Variants in DBN1 observed in about 807,000 individuals in gnomAD.
The protein encoded by DBN1 is drebrin 1, also known as drebrin.
DBN1 carries 21 observed loss-of-function variants against 83.5 expected under a neutral mutation model. The observed-to-expected ratio is 0.25, with a 90% CI of 0.18 to 0.36. The LOEUF (loss-of-function observed/expected upper bound fraction) is 0.36, where lower values mean the gene tolerates loss of function less well. DBN1 is among the 10% of genes least tolerant of loss of function. The pLI, the probability that DBN1 is intolerant of heterozygous loss-of-function variation, is 1.00. For missense variants in DBN1, 874 were observed against 935.7 expected (o/e 0.93, Z 0.86); for synonymous variants, 381 against 384.9 (o/e 0.99, Z 0.12).
Position 177,458,476 on chromosome 5 carries a change from ATGGTGTCAGCTGCATCGTGGATCTCCG to A in DBN1, c.1469_1495del (p.Thr490_Thr498del). 6.2e-7 allele frequency: 1 copy of A among 1,613,656 alleles called. No homozygotes were observed. The highest frequency in any genetic ancestry group is 8.5e-7 in the Non-Finnish European group (1 of 1,179,588). ...GTCAGCAGTGGCAGTGTCAGTTTCA[ATGGTGTCAGCTGCATCGTGGATCTCCG>A]TGGCGTCAGCTGTGGCAGGCTCCAC... On this transcript the variant is annotated inframe_deletion, in exon 13 of 15. Coordinates refer to ENST00000393565, the MANE Select transcript of DBN1 (RefSeq NM_001363541.2).
chr5:177,463,802 A>G (rs549467507), intron 8 of DBN1, among the ~76,000 whole-genome samples: 11 of 152,322 alleles, frequency 7.2e-5, no homozygotes, highest in African/African-American at 2.6e-4. Flanking sequence ...TATTCTGTCT[A>G]CCTGCATGTG....
chr5:177,466,821 G>A lies in DBN1; in HGVS notation c.722C>T (p.Thr241Ile), dbSNP rs755006627. The change falls in exon 8 of 15, where the codon ACT becomes ATT. Residue 241 changes from threonine to isoleucine, a missense_variant. Transcript: ENST00000393565. This position sits in a 1 kb window ranked among gnomAD's most constrained non-coding sequence, Gnocchi z 4.8. ...CCTCTTGGCCTCTTCCGCTTCTAAAGTCTGCTGTTTCCTCCTGGAACGATA... is the reference window on the plus strand; with the variant it reads ...CCTCTTGGCCTCTTCCGCTTCTAAAATCTGCTGTTTCCTCCTGGAACGATA... The part of the protein sequence containing the change: ...QIEEHRRKQQ[T>I]LEAEEAKRRL... 2 of 1,614,004 alleles carry A rather than the reference G, an allele frequency of 1.2e-6. No individual in the cohort carries two copies. Among genetic ancestry groups the A allele is most frequent in the African/African-American group, 1.3e-5 (1 of 74,916 alleles).
chr5:177,473,471 G>A lies in DBN1; in HGVS notation c.51C>T (p.Tyr17=), dbSNP rs750543764. ...SGHRLELLAA[Y]EEVIREESAA... ...CGCTCTCCTCTCGGATCACCTCCTC[G>A]TAAGCCGCCAGCAGCTCCAGGCGGT... Residue 17 remains tyrosine, a synonymous_variant, in exon 1 of 15, where the codon TAC becomes TAT. Coordinates refer to ENST00000393565, the MANE Select transcript of DBN1 (RefSeq NM_001363541.2). The A allele has an allele frequency of 7.0e-6, 10 of 1,433,988 alleles. No individual in the cohort carries two copies. The highest frequency in any genetic ancestry group is 1.5e-5 in the African/African-American group (1 of 67,574). The allele number at this position is 1,433,988 out of a possible 1,614,324, so 88.8% of individuals were successfully genotyped here.
Position 177,467,342 on chromosome 5 carries a change from C to T in DBN1, c.478-10G>A, listed in dbSNP as rs1407903854. On this transcript the variant is annotated splice_polypyrimidine_tract_variant and intron_variant, in intron 5 of 14. Coordinates refer to ENST00000393565, the MANE Select transcript of DBN1 (RefSeq NM_001363541.2). The surrounding 1 kb of genome is among the most constrained non-coding windows in gnomAD (Gnocchi z 9.1). ...TCTGGTAGGTGGTGCCCTGCAGTGT[C>T]GAAGGACCCAGCATAAGCAGGCTGA... 6.2e-6 allele frequency: 10 copies of T among 1,614,134 alleles called. No individual in the cohort carries two copies. Among genetic ancestry groups the T allele is most frequent in the African/African-American group, 2.7e-5 (2 of 75,042 alleles).
chr5:177,458,955 C>T lies in DBN1; in HGVS notation c.1264+143G>A, dbSNP rs1444442651. On this transcript the variant is annotated intron_variant, in intron 12 of 14. Coordinates refer to ENST00000393565, the MANE Select transcript of DBN1 (RefSeq NM_001363541.2). ...CAGGTCTGACTGTACACCAGGGCTC[C>T]TCCCCACACAGCCGCCTCCAGGGCA... 6 of 1,406,692 alleles carry T rather than the reference C, an allele frequency of 4.3e-6. No individual in the cohort carries two copies. The African/African-American group carries it at 8.7e-5, about 20-fold the overall frequency. The allele number at this position is 1,406,692 out of a possible 1,614,324, so 87.1% of individuals were successfully genotyped here.
rs145170932 is a variant in DBN1 at position 177,458,640 on chromosome 5, G to A, written c.1332C>T (p.Ala444=). The A allele has an allele frequency of 4.2e-5, 67 of 1,597,814 alleles. No individual in the cohort carries two copies. Among genetic ancestry groups the A allele is most frequent in the Admixed American group, 1.9e-4 (11 of 58,184 alleles). Residue 444 remains alanine, a synonymous_variant, in exon 13 of 15, where the codon GCC becomes GCT. Transcript: ENST00000393565. Reference sequence around the variant, plus strand: ...CCTGAGGGGGCTCCTCCATGGGGCCGGCCCAGGCCTGAGGGGCTGCTGCTC... The same window carrying A: ...CCTGAGGGGGCTCCTCCATGGGGCCAGCCCAGGCCTGAGGGGCTGCTGCTC... ...ETRAAAPQAW[A]GPMEEPPQAQ...
rs201548561 is a variant in DBN1 at position 177,460,455 on chromosome 5, G to T, written c.932C>A (p.Pro311His). 3.7e-5 allele frequency: 59 copies of T among 1,614,052 alleles called. No homozygotes were observed. The highest frequency in any genetic ancestry group is 3.5e-4 in the Admixed American group (21 of 60,026). Residue 311 changes from proline (P) to histidine (H), a missense_variant, in exon 10 of 15, where the codon CCC becomes CAC. Pro to His is a moderately conservative substitution (Grantham distance 77, BLOSUM62 -2). Transcript: ENST00000393565. ...ASASAGSCDVPSPFNHRPGRP... is the reference protein window; with the variant it reads ...ASASAGSCDVHSPFNHRPGRP... Reference sequence around the variant, plus strand: ...ACCTGGTCGATGGTTGAAGGGCGAGGGTACATCACAGCTGCCCGCAGAGGC... The same window carrying T: ...ACCTGGTCGATGGTTGAAGGGCGAGTGTACATCACAGCTGCCCGCAGAGGC...
chr5:177,468,275 A>G, intron 2 of DBN1, 55 bp from the exon 3 acceptor site: 1 of 1,515,844 alleles, frequency 6.6e-7, no homozygotes, highest in East Asian at 2.3e-5. Flanking sequence ...CTTCCCAAAA[A>G]GAGCCTGGAA....
intron 12 of DBN1, among the ~76,000 whole-genome samples, 164 bp downstream of exon 12, chr5:177,458,934 T>A (rs1343577861): frequency 6.6e-6 from 1 of 152,040 alleles, no homozygotes; most frequent in Non-Finnish European, 1.5e-5. Flanking sequence ...AGAGGGCAGG[T>A]CTGACTGTAC....
chr5:177,459,299 G>T, intron 11 of DBN1, 31 bp from the exon 12 acceptor site: 2 of 1,593,602 alleles, frequency 1.3e-6, no homozygotes, highest in Non-Finnish European at 1.7e-6. Flanking sequence ...GGGTCAGTGA[G>T]GGCGGGGGAG....
In DBN1 at chr5:177,467,723, C is replaced by T. The variant is rs367759985; in HGVS notation, c.330+20G>A. 6.4e-6 allele frequency: 10 copies of T among 1,552,456 alleles called. No homozygotes were observed. The African/African-American group carries it at 6.8e-5, about 11-fold the overall frequency. Reference sequence around the variant, plus strand: ...TGGTGGCTGTCCCCACCCCCAAGAGCGCTGGCCCCTGACACGCACCTGGAA... The same window carrying T: ...TGGTGGCTGTCCCCACCCCCAAGAGTGCTGGCCCCTGACACGCACCTGGAA... On this transcript the variant is annotated intron_variant, in intron 4 of 14. Coordinates refer to ENST00000393565, the MANE Select transcript of DBN1 (RefSeq NM_001363541.2). The surrounding 1 kb of genome is among the most constrained non-coding windows in gnomAD (Gnocchi z 9.1).
At position 177,459,191 on chromosome 5, in the gene DBN1, A is replaced by G. The variant is rs374420181; in HGVS notation, c.1171T>C (p.Ser391Pro). The change falls in exon 12 of 15, where the codon TCC becomes CCC. Residue 391 changes from serine (S) to proline (P), a missense_variant. Around this residue, in one of 4 missense-constraint regions of DBN1, gnomAD observed 725 missense variants for 719.7 expected, o/e 1.01. Coordinates refer to ENST00000393565, the MANE Select transcript of DBN1 (RefSeq NM_001363541.2). Reference sequence around the variant, plus strand: ...TCTATCTGCTCAGCGACAGGGGTGGAGGCGGTGCTGGAGTCAGACGGGCTC... The same window carrying G: ...TCTATCTGCTCAGCGACAGGGGTGGGGGCGGTGCTGGAGTCAGACGGGCTC... Reference protein sequence around the residue: ...TRSPSDSSTASTPVAEQIERA... With the variant: ...TRSPSDSSTAPTPVAEQIERA... 2.3e-5 allele frequency: 37 copies of G among 1,611,134 alleles called. No homozygotes were observed. Among genetic ancestry groups the G allele is most frequent in the Non-Finnish European group, 3.1e-5 (37 of 1,178,960 alleles).
intron 11 of DBN1, 92 bp downstream of exon 11, chr5:177,459,511 T>C: frequency 7.5e-7 from 1 of 1,332,936 alleles, no homozygotes; most frequent in Non-Finnish European, 9.9e-7. Context: ...ACACCAGAGA[T>C]CAGCGGTCAG....
chr5:177,472,133 A>G (rs1303748365), intron 1 of DBN1: 2 of 1,610,570 alleles, frequency 1.2e-6, no homozygotes, highest in Non-Finnish European at 1.7e-6. Context: ...AGGACACGAG[A>G]GCTTGTCTCT....
chr5:177,463,184 C>G (rs376289615), intron 8 of DBN1, among the ~76,000 whole-genome samples: 2 of 152,160 alleles, frequency 1.3e-5, no homozygotes, highest in Non-Finnish European at 2.9e-5. Context: ...CTACAGGCGC[C>G]CGCCACCACG....
At chr5:177,460,937 GC>G (rs925391131) in intron 8 of DBN1, among the ~76,000 whole-genome samples, 12 of 151,888 alleles carry the variant, frequency 7.9e-5, no homozygotes, top group African/African-American at 2.9e-4. Flanking sequence ...GCACCACCAT[GC>G]CCGGCTAATT....
intron 8 of DBN1, among the ~76,000 whole-genome samples, chr5:177,461,149 A>G (rs1581720552): frequency 9.3e-6 from 1 of 107,744 alleles, no homozygotes; most frequent in African/African-American, 3.8e-5. Context: ...CCCAGGCTGG[A>G]GTGCAGTGGC....
chr5:177,457,409 G>T lies in DBN1; in HGVS notation c.*24C>A. 1 of 1,608,664 alleles carries T rather than the reference G, an allele frequency of 6.2e-7. No individual in the cohort carries two copies. Among genetic ancestry groups the T allele is most frequent in the East Asian group, 2.2e-5 (1 of 44,862 alleles). ...GATGCAGGTGGGCGGCCTTGGCAAG[G>T]GTAGCCTAGGGCTGGCGCCACCGCT... On this transcript the variant is annotated 3_prime_UTR_variant, in exon 15 of 15. Coordinates refer to ENST00000393565, the MANE Select transcript of DBN1 (RefSeq NM_001363541.2).
chr5:177,472,298 C>T, intron 1 of DBN1: 2 of 1,575,496 alleles, frequency 1.3e-6, no homozygotes, highest in South Asian at 1.2e-5. Flanking sequence ...AAGCGGGGTC[C>T]CTCAGACCTG....
Sources: gnomAD v4.1 joint callset for allele counts (sites outside exome capture counted in the v4.1 genomes callset) on GRCh38, gnomAD v4.1.1 for gene constraint, gnomAD v4.1.1 regional missense constraint, Gnocchi (gnomAD v3.1) non-coding constraint, MANE v1.5 for transcripts, NCBI Gene and HGNC (gene_info 2026-07-23, HGNC 2026-07-21) for gene names.